PIK3CG: variants seen among roughly 807,000 people sequenced by gnomAD.
The protein encoded by PIK3CG is phosphatidylinositol-4,5-bisphosphate 3-kinase catalytic subunit gamma.
Under a neutral mutation model 102.3 loss-of-function variants are expected in PIK3CG, and 55 were observed. That is an observed-to-expected ratio of 0.54 (90% CI 0.43 to 0.67). PIK3CG has a LOEUF of 0.67. PIK3CG is among the 30% of genes least tolerant of loss of function. The probability of loss-of-function intolerance (pLI) is 0.00; values close to 1 mark genes in which losing one functional copy is unlikely to be tolerated. For synonymous variants in PIK3CG, 552 were observed against 540.0 expected, an observed-to-expected ratio of 1.02 and a Z score of -0.31; for missense variants, 1,258 against 1,391.8, an observed-to-expected ratio of 0.90 and a Z score of 1.53.
chr7:106,892,796 A>C lies in PIK3CG; in HGVS notation c.3030+6504A>C, dbSNP rs1791298260. Among the ~76,000 whole-genome samples, 1 of 152,196 alleles carries C rather than the reference A, an allele frequency of 6.6e-6. No individual in the cohort carries two copies. On this transcript the variant is annotated intron_variant, in intron 10 of 10. Transcript: ENST00000496166. The surrounding 1 kb of genome is among the most constrained non-coding windows in gnomAD (Gnocchi z 5.2). Reference sequence around the variant, plus strand: ...GAAGCATGTGTTTTTCTCAGGCCTTAAGGGATGAATTCAGTTTCATTTTTC... The same window carrying C: ...GAAGCATGTGTTTTTCTCAGGCCTTCAGGGATGAATTCAGTTTCATTTTTC...
chr7:106,871,796 AT>A (rs1312720345), intron 2 of PIK3CG, among the ~76,000 whole-genome samples: 2 of 152,252 alleles, frequency 1.3e-5, no homozygotes, highest in Non-Finnish European at 2.9e-5. Flanking sequence ...GTTCTTCCTC[AT>A]CAGTAATGGA....
rs888404424 is a variant in PIK3CG at position 106,865,328 on chromosome 7, G to A, written c.-111G>A. On this transcript the variant is annotated 5_prime_UTR_variant, in exon 1 of 11. Coordinates refer to ENST00000496166, the MANE Select transcript of PIK3CG (RefSeq NM_001282426.2). ...GATATGAAGGGAGCCCCAGAAAAGC[G>A]GAAGAATTTAGACGCACACTGGGTA... 3.4e-4 allele frequency: 52 copies of A among 152,144 alleles called. No individual in the cohort carries two copies. The highest frequency in any genetic ancestry group is 3.3e-3 in the Admixed American group (51 of 15,270). The allele number at this position is 152,144 out of a possible 1,614,324, so 9.4% of individuals were successfully genotyped here.
Position 106,903,388 on chromosome 7 carries a change from C to A in PIK3CG, c.3031-1721C>A, listed in dbSNP as rs1791608301. On this transcript the variant is annotated intron_variant, in intron 10 of 10. Coordinates refer to ENST00000496166, the MANE Select transcript of PIK3CG (RefSeq NM_001282426.2). This position sits in a 1 kb window ranked among gnomAD's most constrained non-coding sequence, Gnocchi z 4.3. ...AGATTAATCTAAGAATAATTTATAT[C>A]ATTATAAGCAGTCTTGTCACTGAGG... Among the ~76,000 whole-genome samples the A allele has an allele frequency of 6.6e-6, 1 of 151,928 alleles. No individual in the cohort carries two copies. Among genetic ancestry groups the A allele is most frequent in the Admixed American group, 6.6e-5 (1 of 15,248 alleles).
In PIK3CG at chr7:106,905,752, G is replaced by A; in HGVS notation, c.*365G>A. The A allele has an allele frequency of 3.6e-6, 1 of 275,214 alleles. No individual in the cohort carries two copies. The highest frequency in any genetic ancestry group is 6.9e-6 in the Non-Finnish European group (1 of 145,700). The allele number at this position is 275,214 out of a possible 1,614,324, so 17.0% of individuals were successfully genotyped here. A position where few individuals can be genotyped will look rare whatever the true frequency, so the allele number is the denominator to read the frequency against. ...AATTGATGACATCTATTTTCATCTG[G>A]GTTTAGTCTCAATTTTGGTTATCTT... On this transcript the variant is annotated 3_prime_UTR_variant, in exon 11 of 11. Transcript: ENST00000496166. This position sits in a 1 kb window ranked among gnomAD's most constrained non-coding sequence, Gnocchi z 5.6.
chr7:106,894,247 CACACACACACACAG>C lies in PIK3CG; in HGVS notation c.3030+7969_3030+7982del, dbSNP rs1034451457. On this transcript the variant is annotated intron_variant, in intron 10 of 10. Coordinates refer to ENST00000496166, the MANE Select transcript of PIK3CG (RefSeq NM_001282426.2). This position sits in a 1 kb window ranked among gnomAD's most constrained non-coding sequence, Gnocchi z 4.4. Reference sequence around the variant, plus strand: ...TGGAACAAGGCTGAAGGATAAATCACACACACACACACAGACACACACACACACCCCTACGTGCA... The same window carrying C: ...TGGAACAAGGCTGAAGGATAAATCACACACACACACACACCCCTACGTGCA... Among the ~76,000 whole-genome samples, 1 of 151,420 alleles carries C rather than the reference CACACACACACACAG, an allele frequency of 6.6e-6. No individual in the cohort carries two copies. The highest frequency in any genetic ancestry group is 2.4e-5 in the African/African-American group (1 of 41,238).
At chr7:106,871,736 G>A (rs1790535108) in intron 2 of PIK3CG, among the ~76,000 whole-genome samples, 1 of 152,172 alleles carries the variant, frequency 6.6e-6, no homozygotes, top group South Asian at 2.1e-4. Flanking sequence ...AGAGAACAAT[G>A]AAACACCTAT....
chr7:106,869,670 G>A lies in PIK3CG; in HGVS notation c.1995+114G>A, dbSNP rs1385426526. On this transcript the variant is annotated intron_variant, in intron 2 of 10. Coordinates refer to ENST00000496166, the MANE Select transcript of PIK3CG (RefSeq NM_001282426.2). The surrounding 1 kb of genome is among the most constrained non-coding windows in gnomAD (Gnocchi z 5.3). ...GCCCTTTGTTCAGAGCTTCATCATCGGCAAAAGTAGATATGATGAAGCTGC... is the reference window on the plus strand; with the variant it reads ...GCCCTTTGTTCAGAGCTTCATCATCAGCAAAAGTAGATATGATGAAGCTGC... 7.1e-6 allele frequency: 6 copies of A among 841,668 alleles called. No individual in the cohort carries two copies. Among genetic ancestry groups the A allele is most frequent in the East Asian group, 2.7e-5 (1 of 37,328 alleles). The allele number at this position is 841,668 out of a possible 1,614,324, so 52.1% of individuals were successfully genotyped here. A position where few individuals can be genotyped will look rare whatever the true frequency, so the allele number is the denominator to read the frequency against.
intron 10 of PIK3CG, among the ~76,000 whole-genome samples, chr7:106,900,282 T>C (rs1477132858): frequency 6.6e-6 from 1 of 152,200 alleles, no homozygotes; most frequent in Non-Finnish European, 1.5e-5. Flanking sequence ...TTAAGTCTTC[T>C]TGTTGAATTG....
intron 10 of PIK3CG, among the ~76,000 whole-genome samples, 188 bp from the exon 11 acceptor site, chr7:106,904,921 C>G (rs1290899690): frequency 6.6e-6 from 1 of 152,200 alleles, no homozygotes; most frequent in Non-Finnish European, 1.5e-5. Flanking sequence ...ATATATGCAA[C>G]TACACGGAAG....
chr7:106,884,528 G>C lies in PIK3CG; in HGVS notation c.2872+262G>C, dbSNP rs185647046. 1.2e-4 allele frequency among the ~76,000 whole-genome samples: 19 copies of C among 152,274 alleles called. No individual in the cohort carries two copies. The highest frequency in any genetic ancestry group is 4.3e-4 in the African/African-American group (18 of 41,558). On this transcript the variant is annotated intron_variant, in intron 9 of 10. Coordinates refer to ENST00000496166, the MANE Select transcript of PIK3CG (RefSeq NM_001282426.2). The surrounding 1 kb of genome is among the most constrained non-coding windows in gnomAD (Gnocchi z 4.2). ...TCTTTAAATGGAGTTTAAGACTGGA[G>C]CACATATTTAGAAGTCATTGTGTAG...
chr7:106,876,653 G>C (rs1045199975), intron 5 of PIK3CG, among the ~76,000 whole-genome samples: 1 of 150,694 alleles, frequency 6.6e-6, no homozygotes, highest in Non-Finnish European at 1.5e-5. Context: ...CACCTGCCTC[G>C]GCCTCCCAAA....
chr7:106,881,120 A>G (rs1382513362), intron 6 of PIK3CG, among the ~76,000 whole-genome samples: 1 of 152,156 alleles, frequency 6.6e-6, no homozygotes, highest in Non-Finnish European at 1.5e-5. Flanking sequence ...ATCCTTCTAT[A>G]GGAATGATCA....
rs1318737452 is a variant in PIK3CG, at chr7:106,903,744, TTTTTTTTATTTA to T, written c.3031-1361_3031-1350del. On this transcript the variant is annotated intron_variant, in intron 10 of 10. Coordinates refer to ENST00000496166, the MANE Select transcript of PIK3CG (RefSeq NM_001282426.2). The surrounding 1 kb of genome is among the most constrained non-coding windows in gnomAD (Gnocchi z 4.3). ...GTTTTCCTTCACTTTTCTGATTTTATTTTTTTTATTTATTTATTTATTTATTTATTTAGAGAC... is the reference window on the plus strand; with the variant it reads ...GTTTTCCTTCACTTTTCTGATTTTATTTTATTTATTTATTTATTTAGAGAC... 3.8e-3 allele frequency among the ~76,000 whole-genome samples: 7 copies of T among 1,820 alleles called. No individual in the cohort carries two copies. In the East Asian group the frequency reaches 0.25, roughly 65 times the overall value. The allele number at this position is 1,820 out of a possible 152,430, so 1.2% of individuals were successfully genotyped here. A position where few individuals can be genotyped will look rare whatever the true frequency, so the allele number is the denominator to read the frequency against.
In PIK3CG at chr7:106,884,202, T is replaced by C; in HGVS notation, c.2808T>C (p.Cys936=). 1 of 1,614,048 alleles carries C rather than the reference T, an allele frequency of 6.2e-7. No individual in the cohort carries two copies. Among genetic ancestry groups the C allele is most frequent in the Non-Finnish European group, 8.5e-7 (1 of 1,179,964 alleles). Reference sequence around the variant, plus strand: ...TTGTTTATTCCTGTGCAGGCTACTGTGTGGCAACCTTTGTTCTTGGAATAG... The same window carrying C: ...TTGTTTATTCCTGTGCAGGCTACTGCGTGGCAACCTTTGTTCTTGGAATAG... ...ERFVYSCAGY[C]VATFVLGIGD... is the part of the protein sequence containing the mutation. Residue 936 remains cysteine (C), a synonymous_variant, in exon 9 of 11, where the codon TGT becomes TGC. Coordinates refer to ENST00000496166, the MANE Select transcript of PIK3CG (RefSeq NM_001282426.2). The surrounding 1 kb of genome is among the most constrained non-coding windows in gnomAD (Gnocchi z 4.2).
At position 106,867,754 on chromosome 7, in the gene PIK3CG, G is replaced by T. The variant is rs749364940; in HGVS notation, c.193G>T (p.Gly65Cys). ...GGCGCTGCTGCACGTGGCCGGCCAC[G>T]GCAACGTGGAGCAGATGAAGGCCCA... ...ETALLHVAGH[G>C]NVEQMKAQVW... The change falls in exon 2 of 11, where the codon GGC becomes TGC. Residue 65 changes from glycine (G) to cysteine (C), a missense_variant. Physicochemically the swap from Gly to Cys is radical, Grantham distance 159 (BLOSUM62 -3). This residue lies in a region of PIK3CG where 832 missense variants were observed against 787.5 expected (regional missense o/e 1.06). Transcript: ENST00000496166. This position sits in a 1 kb window ranked among gnomAD's most constrained non-coding sequence, Gnocchi z 5.1. 6.2e-7 allele frequency: 1 copy of T among 1,612,938 alleles called. No individual in the cohort carries two copies.
chr7:106,874,012 ATG>A lies in PIK3CG; in HGVS notation c.2288-686_2288-685del, dbSNP rs1790632569. On this transcript the variant is annotated intron_variant, in intron 4 of 10. Transcript: ENST00000496166. The surrounding 1 kb of genome is among the most constrained non-coding windows in gnomAD (Gnocchi z 4.3). ...CTATGGCTCATTACATAGACACTTC[ATG>A]TACTCAACCAGTATTTTAAACTCCT... Among the ~76,000 whole-genome samples the A allele has an allele frequency of 6.6e-6, 1 of 152,136 alleles. No individual in the cohort carries two copies. Among genetic ancestry groups the A allele is most frequent in the South Asian group, 2.1e-4 (1 of 4,828 alleles).
In PIK3CG at chr7:106,872,797, A is replaced by G. The variant is rs1436026837; in HGVS notation, c.2146A>G (p.Ile716Val). Residue 716 changes from isoleucine to valine, a missense_variant, in exon 4 of 11, where the codon ATT becomes GTT. Around this residue, in one of 2 missense-constraint regions of PIK3CG, gnomAD observed 426 missense variants for 604.2 expected, o/e 0.71. Coordinates refer to ENST00000496166, the MANE Select transcript of PIK3CG (RefSeq NM_001282426.2). The surrounding 1 kb of genome is among the most constrained non-coding windows in gnomAD (Gnocchi z 5.3). ...SRHYQQRFAVILEAYLRGCGT... is the reference protein window; with the variant it reads ...SRHYQQRFAVVLEAYLRGCGT... ...ACACTATCAGCAGAGGTTCGCTGTG[A>G]TTCTGGAAGCCTATCTGAGGGGCTG... 3 of 1,614,186 alleles carry G rather than the reference A, an allele frequency of 1.9e-6. No individual in the cohort carries two copies. Among genetic ancestry groups the G allele is most frequent in the Non-Finnish European group, 2.5e-6 (3 of 1,180,012 alleles).
Position 106,867,749 on chromosome 7 carries a change from G to T in PIK3CG, c.188G>T (p.Gly63Val), listed in dbSNP as rs2116420859. 2 of 1,612,924 alleles carry T rather than the reference G, an allele frequency of 1.2e-6. No individual in the cohort carries two copies. Among genetic ancestry groups the T allele is most frequent in the Non-Finnish European group, 1.7e-6 (2 of 1,179,864 alleles). Residue 63 changes from glycine (G) to valine (V), a missense_variant, in exon 2 of 11, where the codon GGC becomes GTC. Physicochemically the swap from Gly to Val is moderately radical, Grantham distance 109 (BLOSUM62 -3). This residue lies in a region of PIK3CG where 832 missense variants were observed against 787.5 expected (regional missense o/e 1.06). Transcript: ENST00000496166. The surrounding 1 kb of genome is among the most constrained non-coding windows in gnomAD (Gnocchi z 5.1). ...SPETALLHVA[G>V]HGNVEQMKAQ... is the part of the protein sequence containing the mutation. Reference sequence around the variant, plus strand: ...GAAACGGCGCTGCTGCACGTGGCCGGCCACGGCAACGTGGAGCAGATGAAG... The same window carrying T: ...GAAACGGCGCTGCTGCACGTGGCCGTCCACGGCAACGTGGAGCAGATGAAG...
Position 106,874,719 on chromosome 7 carries a change from A to C in PIK3CG, c.2307A>C (p.Gln769His). 3 of 1,613,334 alleles carry C rather than the reference A, an allele frequency of 1.9e-6. No individual in the cohort carries two copies. The highest frequency in any genetic ancestry group is 2.5e-6 in the Non-Finnish European group (3 of 1,179,262). ...VSSQVISQLK[Q>H]KLENLQNSQL... ...TTACAGTTATTTCACAACTTAAACAAAAGCTTGAAAACCTGCAGAATTCTC... is the reference window on the plus strand; with the variant it reads ...TTACAGTTATTTCACAACTTAAACACAAGCTTGAAAACCTGCAGAATTCTC... Residue 769 changes from glutamine (Q) to histidine (H), a missense_variant, in exon 5 of 11, where the codon CAA becomes CAC. Around this residue, in one of 2 missense-constraint regions of PIK3CG, gnomAD observed 426 missense variants for 604.2 expected, o/e 0.71. Transcript: ENST00000496166. This position sits in a 1 kb window ranked among gnomAD's most constrained non-coding sequence, Gnocchi z 4.3.
Sources: allele counts gnomAD v4.1 joint callset (sites outside exome capture counted in the v4.1 genomes callset), GRCh38; gene constraint gnomAD v4.1.1; regional missense constraint gnomAD v4.1.1; non-coding constraint Gnocchi (gnomAD v3.1); transcripts MANE v1.5; gene names NCBI Gene and HGNC (gene_info 2026-07-23, HGNC 2026-07-21).